The following ASPM variants were observed in gnomAD, a reference collection of about 807,000 sequenced individuals.
ASPM encodes abnormal spindle-like microcephaly-associated protein.
Under a neutral mutation model 366.4 loss-of-function variants are expected in ASPM, and 256 were observed. That is an observed-to-expected ratio of 0.70 (90% CI 0.63 to 0.77). ASPM has a LOEUF of 0.77. Ranked by LOEUF, ASPM falls within the 30% of genes least tolerant of loss-of-function variation. The pLI, the probability that ASPM is intolerant of heterozygous loss-of-function variation, is 0.00. For missense variants in ASPM, 4,146 were observed against 4,090.4 expected, an observed-to-expected ratio of 1.01 and a Z score of -0.37; for synonymous variants, 1,414 against 1,342.9, an observed-to-expected ratio of 1.05 and a Z score of -1.16.
Position 197,115,206 on chromosome 1 carries a change from T to G in ASPM, c.4065+2583A>C, listed in dbSNP as rs979216596. Among the ~76,000 whole-genome samples, 4 of 152,170 alleles carry G rather than the reference T, an allele frequency of 2.6e-5. No homozygotes were observed. The East Asian group carries it at 7.7e-4, about 29-fold the overall frequency. On this transcript the variant is annotated intron_variant, in intron 17 of 27. Coordinates refer to ENST00000367409, the MANE Select transcript of ASPM (RefSeq NM_018136.5). ...AGGAGTAGATCCCATTTCAAGAAAC[T>G]ACTTTGTTTGCTTATCTGTAAGAAG...
At position 197,100,522 on chromosome 1, in the gene ASPM, C is replaced by G. The variant is rs780553211; in HGVS notation, c.8729G>C (p.Arg2910Thr). 6.2e-7 allele frequency: 1 copy of G among 1,611,134 alleles called. No individual in the cohort carries two copies. Among genetic ancestry groups the G allele is most frequent in the Non-Finnish European group, 8.5e-7 (1 of 1,178,222 alleles). Reference protein sequence around the residue: ...KHQRQVYLQIRSSVIIIQARS... With the variant: ...KHQRQVYLQITSSVIIIQARS... ...AGCTTGAATAATGATAACACTGCTT[C>G]TGATCTGTAAATAGACTTGTCTTTG... The change falls in exon 18 of 28, where the codon AGA (arginine) becomes ACA (threonine). Residue 2910 changes from arginine (R) to threonine (T), a missense_variant. By Grantham distance (71) the Arg-to-Thr change is moderately conservative (BLOSUM62 -1). Transcript: ENST00000367409.
Position 197,143,292 on chromosome 1 carries a change from A to T in ASPM, c.960T>A (p.Ser320=). The T allele has an allele frequency of 6.2e-7, 1 of 1,613,772 alleles. No homozygotes were observed. Among genetic ancestry groups the T allele is most frequent in the Non-Finnish European group, 8.5e-7 (1 of 1,179,734 alleles). Residue 320 remains serine, a synonymous_variant, in exon 3 of 28, where the codon TCT becomes TCA. Transcript: ENST00000367409. ...QSQIHFLSPD[S]FVNNSHGANN... is the part of the protein sequence containing the mutation. ...TAGCTCCATGACTATTATTTACAAAAGAATCTGGACTTAGAAAATGTATTT... is the reference window on the plus strand; with the variant it reads ...TAGCTCCATGACTATTATTTACAAATGAATCTGGACTTAGAAAATGTATTT...
chr1:197,130,176 T>C, intron 7 of ASPM, 120 bp from the exon 8 acceptor site: 1 of 1,042,412 alleles, frequency 9.6e-7, no homozygotes, highest in Non-Finnish European at 1.4e-6. Context: ...CTAAATGACA[T>C]GGTTATTTGC....
chr1:197,120,057 GGA>G (rs1332211937), intron 16 of ASPM, among the ~76,000 whole-genome samples: 1 of 152,052 alleles, frequency 6.6e-6, no homozygotes, highest in Non-Finnish European at 1.5e-5. Context: ...CCAAGAAAAA[GGA>G]GAGAAACAGT....
intron 7 of ASPM, among the ~76,000 whole-genome samples, chr1:197,131,272 T>A (rs1208854332): frequency 3.9e-5 from 6 of 152,130 alleles, no homozygotes; most frequent in Non-Finnish European, 7.4e-5. Flanking sequence ...GAAATAGTAA[T>A]GGGAGACCCT....
intron 17 of ASPM, among the ~76,000 whole-genome samples, chr1:197,110,200 T>G (rs1426002299): frequency 6.6e-6 from 1 of 152,068 alleles, no homozygotes; most frequent in Non-Finnish European, 1.5e-5. Flanking sequence ...ATCAAGAAAC[T>G]GTGGTATTGA....
At chr1:197,113,651 AAAG>A (rs1447683656) in intron 17 of ASPM, among the ~76,000 whole-genome samples, 1 of 152,158 alleles carries the variant, frequency 6.6e-6, no homozygotes, top group Non-Finnish European at 1.5e-5. Context: ...ACTAACAATA[AAAG>A]AAAAACAAGA....
In ASPM at chr1:197,103,178, C is replaced by T. The variant is rs367609499; in HGVS notation, c.6073G>A (p.Val2025Ile). Reference protein sequence around the residue: ...HLYLKTKAAVVTLQSAYRGMK... With the variant: ...HLYLKTKAAVITLQSAYRGMK... ...CCACGATAAGCTGACTGTAAAGTTA[C>T]TACAGCTGCTTTTGTTTTCAAATAT... Residue 2025 changes from valine to isoleucine, a missense_variant, in exon 18 of 28, where the codon GTA becomes ATA. This residue lies in a region of ASPM where 3,624 missense variants were observed against 3,591.7 expected (regional missense o/e 1.01). Coordinates refer to ENST00000367409, the MANE Select transcript of ASPM (RefSeq NM_018136.5). 2 of 1,612,582 alleles carry T rather than the reference C, an allele frequency of 1.2e-6. No individual in the cohort carries two copies. Among genetic ancestry groups the T allele is most frequent in the Non-Finnish European group, 1.7e-6 (2 of 1,179,316 alleles).
In ASPM at chr1:197,100,494, T is replaced by A. The variant is rs751097660; in HGVS notation, c.8757A>T (p.Arg2919Ser). ...IRSSVIIIQARSKGFIQKRKF... is the reference protein window; with the variant it reads ...IRSSVIIIQASSKGFIQKRKF... The stretch of plus-strand genomic sequence containing the variant: ...TCCGTTTCTGTATAAATCCTTTACT[T>A]CTAGCTTGAATAATGATAACACTGC... The change falls in exon 18 of 28, where the codon AGA (arginine) becomes AGT (serine). Residue 2919 changes from arginine (R) to serine (S), a missense_variant. Physicochemically the swap from Arg to Ser is moderately radical, Grantham distance 110. This residue lies in a region of ASPM where 3,624 missense variants were observed against 3,591.7 expected (regional missense o/e 1.01). Coordinates refer to ENST00000367409, the MANE Select transcript of ASPM (RefSeq NM_018136.5). The A allele has an allele frequency of 1.3e-5, 21 of 1,607,532 alleles. No homozygotes were observed. In the Admixed American group the frequency reaches 3.4e-4, roughly 26 times the overall value.
intron 27 of ASPM, among the ~76,000 whole-genome samples, chr1:197,085,087 A>G (rs1656546197): frequency 6.6e-6 from 1 of 152,182 alleles, no homozygotes; most frequent in Non-Finnish European, 1.5e-5. Flanking sequence ...CAGTATTATC[A>G]AAACCTTTGC....
chr1:197,144,351 A>G (rs1658700365), intron 1 of ASPM, among the ~76,000 whole-genome samples: 1 of 152,214 alleles, frequency 6.6e-6, no homozygotes, highest in South Asian at 2.1e-4. Context: ...AATAGAACAG[A>G]TAGTCTCTAA....
chr1:197,093,023 A>G, intron 21 of ASPM, 29 bp downstream of exon 21: 1 of 1,550,020 alleles, frequency 6.5e-7, no homozygotes, highest in South Asian at 1.1e-5. Context: ...ATTTTATAAG[A>G]ATGAGATATG....
Position 197,101,058 on chromosome 1 carries a change from TTC to T in ASPM, c.8191_8192del (p.Glu2731LysfsTer19), listed in dbSNP as rs199422177. ...TCTGAACTGCTAAAAAGTTTTTTCT[TTC>T]TGTTTTTACTCTAACATACAACCTA... ...YYRLYVRVKTERKNFLAVQKS... is the reference protein window; with the variant it reads ...YYRLYVRVKTXRKNFLAVQKS... On this transcript the variant is annotated frameshift_variant, in exon 18 of 28. Transcript: ENST00000367409. LOFTEE classifies it high-confidence loss of function. 6.2e-6 allele frequency: 10 copies of T among 1,611,416 alleles called. No individual in the cohort carries two copies. Among genetic ancestry groups the T allele is most frequent in the Non-Finnish European group, 8.5e-6 (10 of 1,178,828 alleles).
intron 3 of ASPM, among the ~76,000 whole-genome samples, chr1:197,140,351 C>T (rs952215043): frequency 1.3e-5 from 2 of 152,266 alleles, no homozygotes; most frequent in African/African-American, 2.4e-5. Flanking sequence ...AAAGAATACA[C>T]GTAGGAAATG....
At chr1:197,131,529 G>A (rs1658252786) in intron 7 of ASPM, among the ~76,000 whole-genome samples, 1 of 150,766 alleles carries the variant, frequency 6.6e-6, no homozygotes, top group South Asian at 2.1e-4. Flanking sequence ...TTCAACTCCT[G>A]ACCAAATAAT....
chr1:197,090,581 A>G (rs1469275956), intron 23 of ASPM, among the ~76,000 whole-genome samples, 193 bp from the exon 24 acceptor site: 1 of 152,138 alleles, frequency 6.6e-6, no homozygotes, highest in Admixed American at 6.6e-5. Context: ...ATATTCCTAT[A>G]TGTAAACTGG....
intron 3 of ASPM, among the ~76,000 whole-genome samples, chr1:197,141,598 C>T (rs2125113205): frequency 6.6e-6 from 1 of 152,226 alleles, no homozygotes. Flanking sequence ...TCCCTGCAAC[C>T]ATTTTCTTCT....
intron 21 of ASPM, among the ~76,000 whole-genome samples, chr1:197,092,511 G>A (rs964591935): frequency 6.6e-6 from 1 of 151,816 alleles, no homozygotes; most frequent in African/African-American, 2.4e-5. Context: ...GTTGCTGTTG[G>A]GCTTCAGACT....
intron 1 of ASPM, among the ~76,000 whole-genome samples, chr1:197,144,720 G>A (rs1458862019): frequency 1.3e-5 from 2 of 152,126 alleles, no homozygotes; most frequent in Non-Finnish European, 2.9e-5. Flanking sequence ...TTAGAACCCA[G>A]GCAGTCTAAT....
Sources: gnomAD v4.1 joint callset for allele counts (sites outside exome capture counted in the v4.1 genomes callset) on GRCh38, gnomAD v4.1.1 for gene constraint, gnomAD v4.1.1 regional missense constraint, MANE v1.5 for transcripts, NCBI Gene and HGNC (gene_info 2026-07-23, HGNC 2026-07-21) for gene names.